Variants in RSBN1 observed in about 807,000 individuals in gnomAD.
RSBN1 encodes the protein lysine-specific demethylase 9.
In RSBN1, 23 loss-of-function variants were observed where a neutral mutation model predicts 74.8. The ratio of observed to expected loss-of-function variants is 0.31; its 90% confidence interval spans 0.22 to 0.44. RSBN1 has a LOEUF of 0.44. Among genes scored for constraint, RSBN1 ranks in the 20% least tolerant of loss-of-function variants. The pLI is 1.00. For missense variants in RSBN1, 808 were observed against 1,020.9 expected, an observed-to-expected ratio of 0.79 and a Z score of 2.84; for synonymous variants, 407 against 379.6, an observed-to-expected ratio of 1.07 and a Z score of -0.84.
At chr1:113,788,235 G>A (rs550665963) in intron 2 of RSBN1, among the ~76,000 whole-genome samples, 164 of 151,906 alleles carry the variant, frequency 1.1e-3, no homozygotes, top group Non-Finnish European at 2.0e-3. Context: ...AGGTTGAATC[G>A]GGAGGCCTAA....
At chr1:113,777,633 T>C in intron 3 of RSBN1, 38 bp downstream of exon 3, 1 of 1,578,514 alleles carries the variant, frequency 6.3e-7, no homozygotes, top group Non-Finnish European at 8.7e-7. Context: ...CCCACTTAAG[T>C]AAAGATCAAA....
chr1:113,811,520 G>C lies in RSBN1; in HGVS notation c.703+190C>G, dbSNP rs1328353607. ...ATTAGCAACTGACAGCTCGGCCTCGGAGCGAGAAGCCTCAAGTAGTTAGAT... is the reference window on the plus strand; with the variant it reads ...ATTAGCAACTGACAGCTCGGCCTCGCAGCGAGAAGCCTCAAGTAGTTAGAT... On this transcript the variant is annotated intron_variant, in intron 1 of 6. Transcript: ENST00000261441. Among the ~76,000 whole-genome samples the C allele has an allele frequency of 3.3e-5, 5 of 152,334 alleles. No homozygotes were observed. The South Asian group carries it at 6.2e-4, about 19-fold the overall frequency.
rs373090630 is a variant in RSBN1, at chr1:113,797,540, G to A, written c.1200C>T (p.Phe400=). Residue 400 remains phenylalanine (F), a synonymous_variant, in exon 2 of 7, where the codon TTC becomes TTT. Coordinates refer to ENST00000261441, the MANE Select transcript of RSBN1 (RefSeq NM_018364.5). The part of the protein sequence containing the change: ...RFSEEFLALT[F]SENEKNAAYY... ...AAGCAGCATTTTTCTCATTTTCACT[G>A]AATGTCAAAGCAAGAAACTCCTCAG... The A allele has an allele frequency of 1.4e-5, 22 of 1,612,596 alleles. No individual in the cohort carries two copies. Among genetic ancestry groups the A allele is most frequent in the Non-Finnish European group, 1.9e-5 (22 of 1,179,292 alleles).
At chr1:113,788,431 C>T (rs575276491) in intron 2 of RSBN1, among the ~76,000 whole-genome samples, 21 of 152,030 alleles carry the variant, frequency 1.4e-4, no homozygotes, top group South Asian at 2.1e-4. Flanking sequence ...TTTATATCTG[C>T]GTCTGAAATA....
At chr1:113,800,273 A>G (rs559221384) in intron 1 of RSBN1, among the ~76,000 whole-genome samples, 1 of 152,304 alleles carries the variant, frequency 6.6e-6, no homozygotes, top group South Asian at 2.1e-4. Flanking sequence ...CAAAATTTAC[A>G]TTTAATCAGA....
intron 1 of RSBN1, among the ~76,000 whole-genome samples, chr1:113,807,887 A>T (rs2101829262): frequency 6.6e-6 from 1 of 152,078 alleles, no homozygotes; most frequent in South Asian, 2.1e-4. Flanking sequence ...CAGGATATAT[A>T]GACAGCAAAT....
At chr1:113,795,213 T>C (rs866799533) in intron 2 of RSBN1, among the ~76,000 whole-genome samples, 1 of 152,172 alleles carries the variant, frequency 6.6e-6, no homozygotes, top group Non-Finnish European at 1.5e-5. Flanking sequence ...GATGTGAACA[T>C]TGTTCAGGTG....
chr1:113,812,030 G>T lies in RSBN1; in HGVS notation c.383C>A (p.Thr128Lys), dbSNP rs1660871751. The change falls in exon 1 of 7, where the codon ACG becomes AAG. Residue 128 changes from threonine to lysine, a missense_variant. By Grantham distance (78) the Thr-to-Lys change is moderately conservative (BLOSUM62 -1). This residue lies in a region of RSBN1 where 464 missense variants were observed against 401.0 expected (regional missense o/e 1.16). Transcript: ENST00000261441. ...SRQHPGPLPP[T>K]NAAPTVPGPV... Reference sequence around the variant, plus strand: ...GCCTGGGACAGTTGGGGCTGCATTCGTTGGCGGCAGCGGCCCAGGATGTTG... The same window carrying T: ...GCCTGGGACAGTTGGGGCTGCATTCTTTGGCGGCAGCGGCCCAGGATGTTG... 3 of 1,533,182 alleles carry T rather than the reference G, an allele frequency of 2.0e-6. No homozygotes were observed. The highest frequency in any genetic ancestry group is 2.6e-6 in the Non-Finnish European group (3 of 1,140,826). 95.0% of individuals were successfully genotyped at this position (1,533,182 alleles called of 1,614,324 possible). A position where few individuals can be genotyped will look rare whatever the true frequency, so the allele number is the denominator to read the frequency against.
At chr1:113,777,597 C>A in intron 3 of RSBN1, 74 bp downstream of exon 3, 1 of 1,383,464 alleles carries the variant, frequency 7.2e-7, no homozygotes. Context: ...GCAATATTAG[C>A]TAAATACTCT....
intron 4 of RSBN1, among the ~76,000 whole-genome samples, chr1:113,769,862 A>T (rs892716645): frequency 6.6e-6 from 1 of 152,232 alleles, no homozygotes; most frequent in Non-Finnish European, 1.5e-5. Flanking sequence ...AAGGGGAATT[A>T]AAGTGAAATT....
intron 2 of RSBN1, among the ~76,000 whole-genome samples, chr1:113,785,510 A>G (rs1007104392): frequency 5.9e-5 from 9 of 152,248 alleles, no homozygotes; most frequent in African/African-American, 2.2e-4. Context: ...ACGTCACTAC[A>G]TAGCACATAA....
Position 113,777,331 on chromosome 1 carries a change from G to A in RSBN1, c.1537C>T (p.Leu513Phe). Residue 513 changes from leucine to phenylalanine, a missense_variant, in exon 4 of 7, where the codon CTT becomes TTT. This residue lies in a region of RSBN1 where 112 missense variants were observed against 257.3 expected (regional missense o/e 0.44). Coordinates refer to ENST00000261441, the MANE Select transcript of RSBN1 (RefSeq NM_018364.5). ...FLKMTLPWGT[L>F]SSLRLQCRSQ... ...CTACACTGGAGTCGGAGGCTAGAAA[G>A]TGTACCCCAGGGCAAAGTCATCTAG... 6.2e-7 allele frequency: 1 copy of A among 1,611,406 alleles called. No individual in the cohort carries two copies. Among genetic ancestry groups the A allele is most frequent in the Non-Finnish European group, 8.5e-7 (1 of 1,178,442 alleles).
chr1:113,787,257 AT>A (rs1273449264), intron 2 of RSBN1, among the ~76,000 whole-genome samples: 1 of 152,162 alleles, frequency 6.6e-6, no homozygotes, highest in African/African-American at 2.4e-5. Context: ...TGGATGTATG[AT>A]TTTTTTCTAT....
chr1:113,788,693 C>A (rs6672018), intron 2 of RSBN1, among the ~76,000 whole-genome samples: 1 of 151,808 alleles, frequency 6.6e-6, no homozygotes, highest in African/African-American at 2.4e-5. Context: ...AAGAAAAATT[C>A]TTCAGATGTG....
intron 4 of RSBN1, among the ~76,000 whole-genome samples, chr1:113,776,810 C>CAA (rs58152175): frequency 3.2e-4 from 29 of 90,152 alleles, no homozygotes; most frequent in South Asian, 7.7e-4. Context: ...GACCCTATCT[C>CAA]AAAAAAAAAA....
intron 1 of RSBN1, among the ~76,000 whole-genome samples, chr1:113,801,804 T>C (rs1333877550): frequency 6.6e-6 from 1 of 152,190 alleles, no homozygotes; most frequent in African/African-American, 2.4e-5. Flanking sequence ...AGAAACAAAT[T>C]GCTGGCTGTC....
In RSBN1 at chr1:113,798,627, T is replaced by C. The variant is rs568024500; in HGVS notation, c.704-591A>G. Among the ~76,000 whole-genome samples, 30 of 152,276 alleles carry C rather than the reference T, an allele frequency of 2.0e-4. 1 individual carries two copies. The East Asian group carries it at 5.6e-3, about 28-fold the overall frequency. ...AACTTTCTGAAGGGCAATTTCATGATACATGTTAAAAGTCTTAAAAAATAT... is the reference window on the plus strand; with the variant it reads ...AACTTTCTGAAGGGCAATTTCATGACACATGTTAAAAGTCTTAAAAAATAT... On this transcript the variant is annotated intron_variant, in intron 1 of 6. Coordinates refer to ENST00000261441, the MANE Select transcript of RSBN1 (RefSeq NM_018364.5).
At chr1:113,806,772 G>A (rs935687967) in intron 1 of RSBN1, among the ~76,000 whole-genome samples, 4 of 150,832 alleles carry the variant, frequency 2.7e-5, no homozygotes, top group Non-Finnish European at 4.4e-5. Context: ...AGGCCAAGGC[G>A]GGAGGATCAC....
At position 113,761,836 on chromosome 1, in the gene RSBN1, G is replaced by A. The variant is rs1659683646; in HGVS notation, c.*4144C>T. The A allele has an allele frequency of 6.6e-6, 1 of 151,254 alleles. No individual in the cohort carries two copies. Among genetic ancestry groups the A allele is most frequent in the South Asian group, 2.1e-4 (1 of 4,806 alleles). 9.4% of individuals were successfully genotyped at this position (151,254 alleles called of 1,614,324 possible). A position where few individuals can be genotyped will look rare whatever the true frequency, so the allele number is the denominator to read the frequency against. The stretch of plus-strand genomic sequence containing the variant: ...CATTTTGTGATGAAACACCAGTAAA[G>A]GACAAATCAGACTTTTTTTATTAAA... On this transcript the variant is annotated 3_prime_UTR_variant, in exon 7 of 7. Transcript: ENST00000261441.
Sources: allele counts gnomAD v4.1 joint callset (sites outside exome capture counted in the v4.1 genomes callset), GRCh38; gene constraint gnomAD v4.1.1; regional missense constraint gnomAD v4.1.1; transcripts MANE v1.5; gene names NCBI Gene and HGNC (gene_info 2026-07-23, HGNC 2026-07-21).